EYS: variants seen among roughly 807,000 people sequenced by gnomAD.
EYS encodes the protein protein eyes shut homolog.
Under a neutral mutation model 282.1 loss-of-function variants are expected in EYS, and 250 were observed. That is an observed-to-expected ratio of 0.89 (90% CI 0.80 to 0.98). The LOEUF (loss-of-function observed/expected upper bound fraction) is 0.98. Among genes scored for constraint, EYS ranks in the 50% least tolerant of loss-of-function variants. EYS has a pLI of 0.00. For synonymous variants in EYS, 1,355 were observed against 1,282.9 expected, an observed-to-expected ratio of 1.06 and a Z score of -1.20; for missense variants, 4,016 against 3,709.0, an observed-to-expected ratio of 1.08 and a Z score of -2.15.
intron 33 of EYS, among the ~76,000 whole-genome samples, chr6:64,012,885 G>A (rs1392353285): frequency 6.6e-6 from 1 of 152,072 alleles, no homozygotes; most frequent in African/African-American, 2.4e-5. Flanking sequence ...TGCTTAGATC[G>A]TCACAGAGTT....
chr6:63,894,370 G>A (rs1308016000), intron 35 of EYS, among the ~76,000 whole-genome samples: 2 of 152,084 alleles, frequency 1.3e-5, no homozygotes, highest in Non-Finnish European at 2.9e-5. Context: ...ATACAGAGAC[G>A]TCCATGTGAA....
At chr6:64,311,509 C>T (rs1769699814) in intron 29 of EYS, among the ~76,000 whole-genome samples, 1 of 152,040 alleles carries the variant, frequency 6.6e-6, no homozygotes, top group Admixed American at 6.6e-5. Context: ...TGTAGTATGC[C>T]AAATCATAGC....
At chr6:64,633,874 C>T (rs1447129104) in intron 22 of EYS, among the ~76,000 whole-genome samples, 5 of 152,248 alleles carry the variant, frequency 3.3e-5, no homozygotes, top group African/African-American at 7.2e-5. Context: ...TAATCCAGCT[C>T]GCATCTTGAG....
intron 8 of EYS, among the ~76,000 whole-genome samples, chr6:65,372,143 TA>T (rs956847160): frequency 8.6e-5 from 13 of 151,988 alleles, no homozygotes; most frequent in African/African-American, 2.9e-4. Flanking sequence ...TTAAAAAAAA[TA>T]AGATAAAACA....
intron 15 of EYS, among the ~76,000 whole-genome samples, chr6:64,925,655 C>T (rs1204195558): frequency 6.6e-6 from 1 of 152,186 alleles, no homozygotes; most frequent in Non-Finnish European, 1.5e-5. Flanking sequence ...GGCATGGTCA[C>T]TAGCTCTCTC....
chr6:65,010,558 C>T (rs149676091), intron 13 of EYS, among the ~76,000 whole-genome samples: 46 of 152,258 alleles, frequency 3.0e-4, no homozygotes, highest in African/African-American at 1.1e-3. Context: ...TGACTGATCC[C>T]GACCTTAACT....
intron 29 of EYS, among the ~76,000 whole-genome samples, chr6:64,322,942 T>A (rs541996193): frequency 1.4e-4 from 21 of 152,026 alleles, no homozygotes; most frequent in Non-Finnish European, 2.5e-4. Context: ...CACAGTACAA[T>A]CTCTACAGCA....
chr6:64,686,857 G>A (rs202175395), intron 22 of EYS, among the ~76,000 whole-genome samples: 6,227 of 21,484 alleles, frequency 0.29, 2,239 homozygotes, highest in Non-Finnish European at 0.57. Context: ...ATATATATGT[G>A]TATATATATA....
chr6:64,542,499 T>A (rs1764719636), intron 26 of EYS, among the ~76,000 whole-genome samples: 1 of 152,078 alleles, frequency 6.6e-6, no homozygotes, highest in Non-Finnish European at 1.5e-5. Flanking sequence ...TATAGTTTAG[T>A]GGGAATTTTG....
At chr6:64,488,251 A>G (rs9359958) in intron 26 of EYS, among the ~76,000 whole-genome samples, 47,668 of 150,770 alleles carry the variant, frequency 0.32, 7,634 homozygotes, top group East Asian at 0.5. Flanking sequence ...CTAAGCTAGA[A>G]GTAGGAAGTC....
chr6:64,188,657 C>T (rs534523844), intron 31 of EYS, among the ~76,000 whole-genome samples: 129 of 152,174 alleles, frequency 8.5e-4, no homozygotes, highest in Non-Finnish European at 1.5e-3. Flanking sequence ...TTTCTTCTTG[C>T]CCTATCCTGC....
chr6:65,621,351 T>G (rs571648405), intron 2 of EYS, among the ~76,000 whole-genome samples: 2 of 152,076 alleles, frequency 1.3e-5, no homozygotes, highest in East Asian at 3.9e-4. Context: ...TTAAAGTCTG[T>G]TTTAGCAGAG....
At chr6:64,870,511 C>T (rs1417679851) in intron 19 of EYS, among the ~76,000 whole-genome samples, 3 of 146,402 alleles carry the variant, frequency 2.0e-5, no homozygotes. Context: ...ATCCACTTTT[C>T]AACAAACATC....
intron 2 of EYS, among the ~76,000 whole-genome samples, chr6:65,527,611 C>T (rs554950956): frequency 1.3e-5 from 2 of 152,296 alleles, no homozygotes; most frequent in South Asian, 2.1e-4. Context: ...ATACAGATGC[C>T]TTCTCATCCA....
At chr6:63,921,400 T>A (rs948664746) in intron 35 of EYS, among the ~76,000 whole-genome samples, 1 of 152,262 alleles carries the variant, frequency 6.6e-6, no homozygotes, top group African/African-American at 2.4e-5. Flanking sequence ...AGCTGCTCTT[T>A]ATGATTTTGC....
chr6:64,860,704 T>C (rs1427516304), intron 19 of EYS, among the ~76,000 whole-genome samples: 2 of 152,216 alleles, frequency 1.3e-5, no homozygotes, highest in Non-Finnish European at 2.9e-5. Context: ...TTTTCAGCCC[T>C]GTTTGTGTTA....
chr6:65,620,103 T>C (rs964220740), intron 2 of EYS, among the ~76,000 whole-genome samples: 3 of 152,194 alleles, frequency 2.0e-5, no homozygotes, highest in African/African-American at 7.2e-5. Context: ...CTTTTTCTAT[T>C]GATTGGAATA....
intron 24 of EYS, among the ~76,000 whole-genome samples, chr6:64,606,196 GT>G (rs1461097007): frequency 2.0e-5 from 3 of 151,944 alleles, no homozygotes; most frequent in African/African-American, 7.2e-5. Context: ...TAAAATATGT[GT>G]CATAAAGGAT....
chr6:64,360,016 T>C (rs1771953664), intron 29 of EYS, among the ~76,000 whole-genome samples: 1 of 151,714 alleles, frequency 6.6e-6, no homozygotes. Context: ...TCAAATGGTT[T>C]CAAGTTTCTT....
Sources: allele counts gnomAD v4.1 joint callset (sites outside exome capture counted in the v4.1 genomes callset), GRCh38; gene constraint gnomAD v4.1.1; transcripts MANE v1.5; gene names NCBI Gene and HGNC (gene_info 2026-07-23, HGNC 2026-07-21).